The following COG5 variants were observed in gnomAD, a reference collection of about 807,000 sequenced individuals.
COG5 encodes conserved oligomeric Golgi complex subunit 5.
A neutral mutation model predicts 110.4 loss-of-function variants in COG5; 86 were observed. The ratio of observed to expected loss-of-function variants is 0.78; its 90% CI spans 0.65 to 0.93. The LOEUF (loss-of-function observed/expected upper bound fraction) is 0.93. Among genes scored for constraint, COG5 ranks in the 40% least tolerant of loss-of-function variants. The probability of loss-of-function intolerance (pLI) is 0.00; values close to 1 mark genes in which losing one functional copy is unlikely to be tolerated. For synonymous variants in COG5, 360 were observed against 334.6 expected (o/e 1.08, Z -0.83); for missense variants, 1,077 against 987.0 (o/e 1.09, Z -1.22).
At chr7:107,529,039 A>AAAAAAAAAAAAAAAG (rs1800984398) in intron 5 of COG5, among the ~76,000 whole-genome samples, 1 of 150,106 alleles carries the variant, frequency 6.7e-6, no homozygotes, top group Admixed American at 6.6e-5. Context: ...AAAAAAAAAA[A>AAAAAAAAAAAAAAAG]GGAATGCCAA....
At chr7:107,232,317 T>C (rs1800834891) in intron 18 of COG5, among the ~76,000 whole-genome samples, 1 of 152,204 alleles carries the variant, frequency 6.6e-6, no homozygotes, top group African/African-American at 2.4e-5. Context: ...CTGTTTTCTT[T>C]CCATATGTGT....
chr7:107,529,902 C>G (rs1403222137), intron 5 of COG5, among the ~76,000 whole-genome samples: 1 of 152,126 alleles, frequency 6.6e-6, no homozygotes, highest in Non-Finnish European at 1.5e-5. Context: ...ATATCTTGCA[C>G]TGGAAACATT....
chr7:107,333,495 A>G (rs923070138), intron 10 of COG5, among the ~76,000 whole-genome samples: 1 of 152,292 alleles, frequency 6.6e-6, no homozygotes, highest in Middle Eastern at 3.4e-3. Context: ...CACTGTTCAG[A>G]GAGAAAAAAA....
At chr7:107,495,557 A>C (rs1315778299) in intron 6 of COG5, among the ~76,000 whole-genome samples, 1 of 152,180 alleles carries the variant, frequency 6.6e-6, no homozygotes, top group Non-Finnish European at 1.5e-5. Context: ...CAAATAAATG[A>C]GATAACATGA....
intron 7 of COG5, among the ~76,000 whole-genome samples, chr7:107,404,912 T>C (rs1257840135): frequency 1.5e-5 from 2 of 136,826 alleles, no homozygotes; most frequent in Non-Finnish European, 3.2e-5. Flanking sequence ...AAAAAAACAG[T>C]TGGCCAGAAA....
chr7:107,310,227 G>T (rs931173379), intron 11 of COG5, among the ~76,000 whole-genome samples: 1 of 152,080 alleles, frequency 6.6e-6, no homozygotes, highest in African/African-American at 2.4e-5. Context: ...TCCAACACGA[G>T]CAAAGAAAAA....
chr7:107,311,809 G>T (rs1808297664), intron 11 of COG5, among the ~76,000 whole-genome samples: 1 of 151,166 alleles, frequency 6.6e-6, no homozygotes, highest in African/African-American at 2.4e-5. Flanking sequence ...TTTCTATTTT[G>T]TCATTTTTCC....
intron 6 of COG5, among the ~76,000 whole-genome samples, chr7:107,421,220 T>C (rs1195688945): frequency 6.6e-6 from 1 of 152,208 alleles, no homozygotes; most frequent in Non-Finnish European, 1.5e-5. Context: ...AACAGAAAGA[T>C]ATTTCAGGTA....
chr7:107,528,371 G>A (rs774378325), intron 5 of COG5, among the ~76,000 whole-genome samples: 1 of 152,162 alleles, frequency 6.6e-6, no homozygotes, highest in Non-Finnish European at 1.5e-5. Context: ...TTACAGGTGT[G>A]AGCCACCATG....
At chr7:107,438,746 C>T (rs147333587) in intron 6 of COG5, among the ~76,000 whole-genome samples, 21 of 152,132 alleles carry the variant, frequency 1.4e-4, no homozygotes, top group African/African-American at 2.4e-4. Context: ...AAACTAGAGG[C>T]GATTTAAGTG....
At chr7:107,520,071 AAAGG>A (rs1800217766) in intron 6 of COG5, among the ~76,000 whole-genome samples, 1 of 152,232 alleles carries the variant, frequency 6.6e-6, no homozygotes, top group Non-Finnish European at 1.5e-5. Context: ...CAGACACAGA[AAAGG>A]GCTCTGATAA....
intron 7 of COG5, among the ~76,000 whole-genome samples, chr7:107,395,920 T>A (rs948254174): frequency 6.6e-6 from 1 of 152,172 alleles, no homozygotes; most frequent in African/African-American, 2.4e-5. Context: ...TTAGGCCGAT[T>A]TTCAGGTAAA....
At chr7:107,286,980 T>G (rs923159628) in intron 12 of COG5, among the ~76,000 whole-genome samples, 1 of 152,186 alleles carries the variant, frequency 6.6e-6, no homozygotes, top group African/African-American at 2.4e-5. Context: ...TATCTCTAAG[T>G]AAAAAGGTTT....
intron 8 of COG5, 72 bp from the exon 9 acceptor site, chr7:107,362,492 T>C (rs1813213792): frequency 2.2e-6 from 2 of 907,438 alleles, no homozygotes; most frequent in East Asian, 2.6e-5. Context: ...TATGTTATTA[T>C]AAAAACCATA....
At chr7:107,492,063 T>TA (rs34588781) in intron 6 of COG5, among the ~76,000 whole-genome samples, 2 of 151,984 alleles carry the variant, frequency 1.3e-5, no homozygotes, top group Admixed American at 6.6e-5. Context: ...TATCTGTGTA[T>TA]AAAAAAATAT....
At chr7:107,330,915 C>T (rs1363310068) in intron 10 of COG5, among the ~76,000 whole-genome samples, 5 of 151,308 alleles carry the variant, frequency 3.3e-5, no homozygotes, top group Non-Finnish European at 5.9e-5. Context: ...CTCCGCCTTC[C>T]GGGTTCAAGC....
At chr7:107,459,460 C>T (rs1563047520) in intron 6 of COG5, among the ~76,000 whole-genome samples, 2 of 150,376 alleles carry the variant, frequency 1.3e-5, no homozygotes, top group Non-Finnish European at 2.9e-5. Context: ...GATTTCACAA[C>T]TCTTTTTTTC....
chr7:107,435,354 T>C (rs1309917172), intron 6 of COG5, among the ~76,000 whole-genome samples: 1 of 152,044 alleles, frequency 6.6e-6, no homozygotes, highest in Non-Finnish European at 1.5e-5. Flanking sequence ...GAGGAGTATA[T>C]AGAAAAACTG....
rs918661855 is a variant in COG5, at chr7:107,527,303, G to A, written c.472C>T (p.Leu158Phe). Residue 158 changes from leucine (L) to phenylalanine (F), a missense_variant, in exon 6 of 22, where the codon CTC becomes TTC. By Grantham distance (22) the Leu-to-Phe change is conservative. Transcript: ENST00000297135. ...CTTCCCCCTTGCAGTTGTCCTTGGA[G>A]TCTCTTACTGAGATTCAAGATACGA... Reference protein sequence around the residue: ...IIRILNLSKRLQGQLQGGSRE... With the variant: ...IIRILNLSKRFQGQLQGGSRE... 2.0e-5 allele frequency: 33 copies of A among 1,612,774 alleles called. No homozygotes were observed. The highest frequency in any genetic ancestry group is 2.8e-5 in the Non-Finnish European group (33 of 1,179,546).
Sources: gnomAD v4.1 joint callset for allele counts (sites outside exome capture counted in the v4.1 genomes callset) on GRCh38, gnomAD v4.1.1 for gene constraint, MANE v1.5 for transcripts, NCBI Gene and HGNC (gene_info 2026-07-23, HGNC 2026-07-21) for gene names.